ZNF689: variants seen among roughly 807,000 people sequenced by gnomAD.
The protein encoded by ZNF689 is zinc finger protein 689.
A neutral mutation model predicts 37.2 loss-of-function variants in ZNF689; 14 were observed. That is an observed-to-expected ratio of 0.38 (90% CI 0.25 to 0.59). The LOEUF is 0.59. Ranked by LOEUF, ZNF689 falls within the 20% of genes least tolerant of loss-of-function variation. The pLI is 0.68. For missense variants in ZNF689, 573 were observed against 700.2 expected (o/e 0.82, Z 2.05); for synonymous variants, 277 against 283.3 (o/e 0.98, Z 0.22).
intron 2 of ZNF689, among the ~76,000 whole-genome samples, chr16:30,606,956 C>A (rs2052041749): frequency 6.6e-6 from 1 of 151,992 alleles, no homozygotes; most frequent in African/African-American, 2.4e-5. Context: ...TTAGCTGATT[C>A]TTTAAAAAAT....
rs773860178 is a variant in ZNF689, at chr16:30,605,495, CTT to C, written c.320-50_320-49del. ...ATTTAACAAATACTGGGCTCCTGCT[CTT>C]GTCAATTACATTATAGGTTACAAGA... On this transcript the variant is annotated intron_variant, in intron 2 of 2. Coordinates refer to ENST00000287461, the MANE Select transcript of ZNF689 (RefSeq NM_138447.3). The surrounding 1 kb of genome is among the most constrained non-coding windows in gnomAD (Gnocchi z 5.1). 6.5e-5 allele frequency: 102 copies of C among 1,567,584 alleles called. No individual in the cohort carries two copies. In the East Asian group the frequency reaches 2.0e-3, roughly 30 times the overall value.
At chr16:30,609,295 AG>A in intron 2 of ZNF689, 1 of 364,856 alleles carries the variant, frequency 2.7e-6, no homozygotes, top group Non-Finnish European at 4.9e-6. Flanking sequence ...AAAAAGACGA[AG>A]AATAAGCCCA....
In ZNF689 at chr16:30,604,538, A is replaced by G. The variant is rs757064638; in HGVS notation, c.1229T>C (p.Phe410Ser). The change falls in exon 3 of 3, where the codon TTT (phenylalanine) becomes TCT (serine). Residue 410 changes from phenylalanine to serine, a missense_variant. Transcript: ENST00000287461. The surrounding 1 kb of genome is among the most constrained non-coding windows in gnomAD (Gnocchi z 5.2). ...LHACDDCGRR[F>S]AYPSLLASHR... is the part of the protein sequence containing the mutation. ...GCTGGCCAGCAGTGAGGGGTAGGCA[A>G]AGCGGCGACCACAGTCGTCGCAGGC... The G allele has an allele frequency of 5.0e-6, 8 of 1,592,178 alleles. No homozygotes were observed.
rs188154049 is a variant in ZNF689 at position 30,607,957 on chromosome 16, G to A, written c.319+1568C>T. ...TGCCTGGGCAACAGAGCAAGACTCC[G>A]TCTCACACACACACAAAAGAGTGTA... On this transcript the variant is annotated intron_variant, in intron 2 of 2. Coordinates refer to ENST00000287461, the MANE Select transcript of ZNF689 (RefSeq NM_138447.3). 1.0e-3 allele frequency among the ~76,000 whole-genome samples: 154 copies of A among 152,278 alleles called. 4 individuals are homozygous for A. In the East Asian group the frequency reaches 0.019, roughly 19 times the overall value.
chr16:30,605,310 C>A lies in ZNF689; in HGVS notation c.457G>T (p.Asp153Tyr), dbSNP rs746793523. 3 of 1,611,728 alleles carry A rather than the reference C, an allele frequency of 1.9e-6. No homozygotes were observed. In the African/African-American group the frequency reaches 4.0e-5, roughly 22 times the overall value. ...TGATCAGGGAAGGTACAGCCGCAGTCAGGGCAGATGGGGCCCCCGGACGTC... is the reference window on the plus strand; with the variant it reads ...TGATCAGGGAAGGTACAGCCGCAGTAAGGGCAGATGGGGCCCCCGGACGTC... ...RQTSGGPICP[D>Y]CGCTFPDHQA... The change falls in exon 3 of 3, where the codon GAC becomes TAC. Residue 153 changes from aspartate to tyrosine, a missense_variant. Coordinates refer to ENST00000287461, the MANE Select transcript of ZNF689 (RefSeq NM_138447.3). This position sits in a 1 kb window ranked among gnomAD's most constrained non-coding sequence, Gnocchi z 5.1.
Position 30,604,894 on chromosome 16 carries a change from G to T in ZNF689, c.873C>A (p.Cys291Ter). 6.3e-7 allele frequency: 1 copy of T among 1,576,736 alleles called. No individual in the cohort carries two copies. ...GGCGGAAGCGGCGGTTGCACTCGAG[G>T]CAAGTGTAGGGCTTCTCTCCCGTGT... is the stretch of plus-strand genomic sequence containing the variant. ...RTHTGEKPYT[C>*]LECNRRFRQR... The change falls in exon 3 of 3, where the codon TGC becomes TGA. Residue 291 changes from cysteine to a stop codon, truncating the protein, a stop_gained. Transcript: ENST00000287461. LOFTEE classifies it high-confidence loss of function. The surrounding 1 kb of genome is among the most constrained non-coding windows in gnomAD (Gnocchi z 5.2).
At chr16:30,608,983 G>C (rs1349004255) in intron 2 of ZNF689, among the ~76,000 whole-genome samples, 1 of 152,202 alleles carries the variant, frequency 6.6e-6, no homozygotes, top group Non-Finnish European at 1.5e-5. Context: ...CCTGCCGTAA[G>C]AGCAGAAAGA....
rs1159804053 is a variant in ZNF689 at position 30,603,987 on chromosome 16, A to G, written c.*277T>C. The G allele has an allele frequency of 5.0e-6, 3 of 599,934 alleles. No homozygotes were observed. Among genetic ancestry groups the G allele is most frequent in the Non-Finnish European group, 9.3e-6 (3 of 321,948 alleles). The allele number at this position is 599,934 out of a possible 1,614,324, so 37.2% of individuals were successfully genotyped here. A position where few individuals can be genotyped will look rare whatever the true frequency, so the allele number is the denominator to read the frequency against. ...AGACTAGAAAAGCAGACAGCCCCTA[A>G]AATAGATGGGGAGAACTTTTAGCCC... On this transcript the variant is annotated 3_prime_UTR_variant, in exon 3 of 3. Transcript: ENST00000287461.
chr16:30,604,931 T>G lies in ZNF689; in HGVS notation c.836A>C (p.His279Pro), dbSNP rs1267752210. 1 of 1,574,128 alleles carries G rather than the reference T, an allele frequency of 6.4e-7. No homozygotes were observed. The highest frequency in any genetic ancestry group is 1.3e-5 in the African/African-American group (1 of 74,274). Residue 279 changes from histidine to proline, a missense_variant, in exon 3 of 3, where the codon CAC becomes CCC. By Grantham distance (77) the His-to-Pro change is moderately conservative (BLOSUM62 -2). This residue lies in a region of ZNF689 where 317 missense variants were observed against 367.1 expected (regional missense o/e 0.86). Coordinates refer to ENST00000287461, the MANE Select transcript of ZNF689 (RefSeq NM_138447.3). The surrounding 1 kb of genome is among the most constrained non-coding windows in gnomAD (Gnocchi z 5.2). The stretch of plus-strand genomic sequence containing the variant: ...CTTCTCTCCCGTGTGTGTACGCTGG[T>G]GGATGGCTAGCAGGGAGGGGTAGGC... ...RFAYPSLLAI[H>P]QRTHTGEKPY...
chr16:30,604,212 C>A lies in ZNF689; in HGVS notation c.*52G>T, dbSNP rs781440592. The A allele has an allele frequency of 6.2e-7, 1 of 1,602,234 alleles. No individual in the cohort carries two copies. Among genetic ancestry groups the A allele is most frequent in the South Asian group, 1.1e-5 (1 of 90,270 alleles). ...TGTATGACCTGGGGCTCCTCCTTCCCTTTTCTGGGACCCTCCATAAAATGA... is the reference window on the plus strand; with the variant it reads ...TGTATGACCTGGGGCTCCTCCTTCCATTTTCTGGGACCCTCCATAAAATGA... On this transcript the variant is annotated 3_prime_UTR_variant, in exon 3 of 3. Transcript: ENST00000287461. This position sits in a 1 kb window ranked among gnomAD's most constrained non-coding sequence, Gnocchi z 5.2.
In ZNF689 at chr16:30,604,402, C is replaced by T. The variant is rs61997209; in HGVS notation, c.1365G>A (p.Lys455=). ...GGCCACACTCGAGGCAGGGGAAAGG[C>T]TTCTCCCCCGTGTGCAGCAGCTGGT... ...AQHQLLHTGE[K]PFPCLECGRC... The change falls in exon 3 of 3, where the codon AAG becomes AAA. Residue 455 remains lysine (K), a synonymous_variant. Coordinates refer to ENST00000287461, the MANE Select transcript of ZNF689 (RefSeq NM_138447.3). This position sits in a 1 kb window ranked among gnomAD's most constrained non-coding sequence, Gnocchi z 5.2. The T allele has an allele frequency of 2.4e-4, 395 of 1,613,840 alleles. No individual in the cohort carries two copies. Among genetic ancestry groups the T allele is most frequent in the African/African-American group, 1.6e-3 (119 of 75,072 alleles).
upstream of ZNF689, chr16:30,610,425 C>T (rs2052086620): frequency 1.4e-5 from 3 of 210,570 alleles, no homozygotes; most frequent in Admixed American, 5.3e-5. Flanking sequence ...TTTTTCCCCT[C>T]CCCAATACGC....
rs1331324854 is a variant in ZNF689, at chr16:30,609,823, G to A, written c.205+14C>T. The A allele has an allele frequency of 3.8e-6, 6 of 1,593,186 alleles. No individual in the cohort carries two copies. The highest frequency in any genetic ancestry group is 3.4e-5 in the South Asian group (3 of 89,082). ...CCCTTCGCGCCCCGCGGCAGCGGAT[G>A]GGGCCGGCCTCACCGAGCGCGCCCA... On this transcript the variant is annotated intron_variant, in intron 1 of 2. Coordinates refer to ENST00000287461, the MANE Select transcript of ZNF689 (RefSeq NM_138447.3).
intron 2 of ZNF689, among the ~76,000 whole-genome samples, chr16:30,607,113 A>G (rs2151245332): frequency 6.7e-6 from 1 of 148,956 alleles, no homozygotes; most frequent in South Asian, 2.1e-4. Context: ...AGCTGGGCAC[A>G]ATAGCAGGTG....
At position 30,604,941 on chromosome 16, in the gene ZNF689, G is replaced by A; in HGVS notation, c.826C>T (p.Leu276=). The change falls in exon 3 of 3, where the codon CTA becomes TTA. Residue 276 remains leucine, a synonymous_variant. Transcript: ENST00000287461. The surrounding 1 kb of genome is among the most constrained non-coding windows in gnomAD (Gnocchi z 5.2). The stretch of plus-strand genomic sequence containing the variant: ...GTGTGTGTACGCTGGTGGATGGCTA[G>A]CAGGGAGGGGTAGGCGAAGCGACGT... ...CGRRFAYPSL[L]AIHQRTHTGE... The A allele has an allele frequency of 3.2e-6, 5 of 1,575,598 alleles. No individual in the cohort carries two copies. The highest frequency in any genetic ancestry group is 2.4e-5 in the South Asian group (2 of 84,008).
Position 30,604,610 on chromosome 16 carries a change from C to T in ZNF689, c.1157G>A (p.Gly386Asp). 1.2e-6 allele frequency: 2 copies of T among 1,602,436 alleles called. No individual in the cohort carries two copies. Among genetic ancestry groups the T allele is most frequent in the Non-Finnish European group, 8.5e-7 (1 of 1,174,800 alleles). The stretch of plus-strand genomic sequence containing the variant: ...CGTGCTGCGATGGATGGCCAGGGAG[C>T]CGCTCCGCCGGAAGGCACGCCCACA... ...PDCGRAFRRS[G>D]SLAIHRSTHT... The change falls in exon 3 of 3, where the codon GGC becomes GAC. Residue 386 changes from glycine (G) to aspartate (D), a missense_variant. This residue lies in a region of ZNF689 where 317 missense variants were observed against 367.1 expected (regional missense o/e 0.86). Coordinates refer to ENST00000287461, the MANE Select transcript of ZNF689 (RefSeq NM_138447.3). This position sits in a 1 kb window ranked among gnomAD's most constrained non-coding sequence, Gnocchi z 5.2.
In ZNF689 at chr16:30,605,179, C is replaced by T. The variant is rs772895178; in HGVS notation, c.588G>A (p.Arg196=). 18 of 1,614,086 alleles carry T rather than the reference C, an allele frequency of 1.1e-5. No homozygotes were observed. The highest frequency in any genetic ancestry group is 1.4e-5 in the Non-Finnish European group (16 of 1,179,994). ...AGGGGCACTCGCCGGAGTGTGCCCG[C>T]CGGTGACTGACCAGCAGGGATGGAT... The part of the protein sequence containing the change: ...FSYPSLLVSH[R]RAHSGECPYV... The change falls in exon 3 of 3, where the codon CGG becomes CGA. Residue 196 remains arginine (R), a synonymous_variant. Transcript: ENST00000287461. The surrounding 1 kb of genome is among the most constrained non-coding windows in gnomAD (Gnocchi z 5.1).
intron 2 of ZNF689, among the ~76,000 whole-genome samples, chr16:30,608,992 G>A (rs535671924): frequency 1.1e-4 from 16 of 152,294 alleles, no homozygotes; most frequent in Admixed American, 5.9e-4. Flanking sequence ...AGAGCAGAAA[G>A]AGGCCCCTGC....
chr16:30,604,087 G>C lies in ZNF689; in HGVS notation c.*177C>G, dbSNP rs1388996635. ...GCAAATGACGTCACCTCTCCTAATG[G>C]GACTGTTCCAGACACGCACAGGGAG... is the stretch of plus-strand genomic sequence containing the variant. On this transcript the variant is annotated 3_prime_UTR_variant, in exon 3 of 3. Coordinates refer to ENST00000287461, the MANE Select transcript of ZNF689 (RefSeq NM_138447.3). This position sits in a 1 kb window ranked among gnomAD's most constrained non-coding sequence, Gnocchi z 5.2. 1.3e-6 allele frequency: 1 copy of C among 754,148 alleles called. No individual in the cohort carries two copies. Among genetic ancestry groups the C allele is most frequent in the Non-Finnish European group, 2.3e-6 (1 of 427,848 alleles). The allele number at this position is 754,148 out of a possible 1,614,324, so 46.7% of individuals were successfully genotyped here. A position where few individuals can be genotyped will look rare whatever the true frequency, so the allele number is the denominator to read the frequency against.
Sources: gnomAD v4.1 joint callset for allele counts (sites outside exome capture counted in the v4.1 genomes callset) on GRCh38, gnomAD v4.1.1 for gene constraint, gnomAD v4.1.1 regional missense constraint, Gnocchi (gnomAD v3.1) non-coding constraint, MANE v1.5 for transcripts, NCBI Gene and HGNC (gene_info 2026-07-23, HGNC 2026-07-21) for gene names.